Variants in CEP43 observed in about 807,000 individuals in gnomAD.
CEP43 encodes the protein centrosomal protein 43.
CEP43 carries 36 observed loss-of-function variants against 52.6 expected under a neutral mutation model. That is an observed-to-expected ratio of 0.68 (90% confidence interval 0.52 to 0.90). CEP43 has a LOEUF of 0.90. Ranked by LOEUF, CEP43 falls within the 40% of genes least tolerant of loss-of-function variation. The pLI, the probability that CEP43 is intolerant of heterozygous loss-of-function variation, is 0.00. For missense variants in CEP43, 506 were observed against 472.8 expected, an observed-to-expected ratio of 1.07 and a Z score of -0.65; for synonymous variants, 192 against 172.4, an observed-to-expected ratio of 1.11 and a Z score of -0.89.
chr6:167,014,156 A>G (rs1164251680), intron 7 of CEP43, among the ~76,000 whole-genome samples: 2 of 152,228 alleles, frequency 1.3e-5, no homozygotes, highest in African/African-American at 2.4e-5. Flanking sequence ...GATTATATAC[A>G]TATTAGTAAC....
At position 167,040,388 on chromosome 6, in the gene CEP43, C is replaced by T; in HGVS notation, c.*410C>T. 1.5e-6 allele frequency: 2 copies of T among 1,350,954 alleles called. No individual in the cohort carries two copies. The highest frequency in any genetic ancestry group is 1.9e-6 in the Non-Finnish European group (2 of 1,053,100). 83.7% of individuals were successfully genotyped at this position (1,350,954 alleles called of 1,614,324 possible). On this transcript the variant is annotated 3_prime_UTR_variant, in exon 13 of 13. Transcript: ENST00000366847. ...TGGCTTTAGCCCTCTGGAATCAGAG[C>T]TTACCCACCATAGTATATTTTGATA...
Position 167,051,494 on chromosome 6 carries a change from A to G in CEP43, c.*11516A>G, listed in dbSNP as rs1195553276. ...GTTAGATCAGATCTCTTTCACTGTT[A>G]TAATTTTCTCACTGTTAAAATTTAC... On this transcript the variant is annotated 3_prime_UTR_variant, in exon 13 of 13. Transcript: ENST00000366847. 1.3e-5 allele frequency: 2 copies of G among 152,242 alleles called. No individual in the cohort carries two copies. The highest frequency in any genetic ancestry group is 2.9e-5 in the Non-Finnish European group (2 of 68,038). The allele number at this position is 152,242 out of a possible 1,614,324, so 9.4% of individuals were successfully genotyped here.
rs901486964 is a variant in CEP43, at chr6:167,039,242, G to A, written c.1126-662G>A. 5.3e-5 allele frequency among the ~76,000 whole-genome samples: 8 copies of A among 151,922 alleles called. No homozygotes were observed. The East Asian group carries it at 5.8e-4, about 11-fold the overall frequency. On this transcript the variant is annotated intron_variant, in intron 12 of 12. Coordinates refer to ENST00000366847, the MANE Select transcript of CEP43 (RefSeq NM_007045.4). ...CCTCCTGGGTTCAAGCGATTCTCCC[G>A]CCTCAGCCTCCCAAGTAGCTGGGAC...
chr6:167,010,991 TTA>T (rs902966507), intron 6 of CEP43, 98 bp downstream of exon 6: 1 of 596,438 alleles, frequency 1.7e-6, no homozygotes, highest in African/African-American at 1.9e-5. Context: ...TTGTATTGTT[TTA>T]TATAAACACA....
chr6:167,006,123 G>A (rs1008830098), intron 5 of CEP43, among the ~76,000 whole-genome samples: 2 of 152,206 alleles, frequency 1.3e-5, no homozygotes, highest in African/African-American at 4.8e-5. Context: ...GGGGGTCTGA[G>A]GAAGCAAGAT....
chr6:167,050,607 T>C lies in CEP43; in HGVS notation c.*10629T>C, dbSNP rs1414818377. 1 of 151,898 alleles carries C rather than the reference T, an allele frequency of 6.6e-6. No homozygotes were observed. The highest frequency in any genetic ancestry group is 1.9e-4 in the East Asian group (1 of 5,186). 9.4% of individuals were successfully genotyped at this position (151,898 alleles called of 1,614,324 possible). On this transcript the variant is annotated 3_prime_UTR_variant, in exon 13 of 13. Coordinates refer to ENST00000366847, the MANE Select transcript of CEP43 (RefSeq NM_007045.4). ...GCGTGGCTAACATGGAGAACTCCTG[T>C]CTCTACTAAAAATACAAAAATTAGT...
chr6:167,041,844 G>GCGGGGCCC lies in CEP43; in HGVS notation c.*1866_*1867insCGGGGCCC. On this transcript the variant is annotated 3_prime_UTR_variant, in exon 13 of 13. Coordinates refer to ENST00000366847, the MANE Select transcript of CEP43 (RefSeq NM_007045.4). ...TCTTTTTTTTGCGGGGGGCGGGGGGGACAGAGTCTCACTGTGTCACTCAGA... is the reference window on the plus strand; with the variant it reads ...TCTTTTTTTTGCGGGGGGCGGGGGGGCGGGGCCCACAGAGTCTCACTGTGTCACTCAGA... 2 of 144,930 alleles carry GCGGGGCCC rather than the reference G, an allele frequency of 1.4e-5. No individual in the cohort carries two copies. The highest frequency in any genetic ancestry group is 2.5e-5 in the Non-Finnish European group (2 of 80,400). The allele number at this position is 144,930 out of a possible 1,614,324, so 9.0% of individuals were successfully genotyped here. A position where few individuals can be genotyped will look rare whatever the true frequency, so the allele number is the denominator to read the frequency against.
At chr6:167,018,332 C>T (rs1271451540) in intron 7 of CEP43, among the ~76,000 whole-genome samples, 2 of 152,216 alleles carry the variant, frequency 1.3e-5, no homozygotes, top group Non-Finnish European at 2.9e-5. Flanking sequence ...ACAGTTTGAC[C>T]CATAACTTTT....
intron 7 of CEP43, among the ~76,000 whole-genome samples, chr6:167,018,190 G>C (rs1165760361): frequency 6.6e-6 from 1 of 152,122 alleles, no homozygotes; most frequent in African/African-American, 2.4e-5. Context: ...ATTAGGTTAG[G>C]ACCCAGGCCC....
chr6:167,017,000 T>A (rs1562527261), intron 7 of CEP43, among the ~76,000 whole-genome samples: 3 of 150,542 alleles, frequency 2.0e-5, no homozygotes, highest in African/African-American at 4.9e-5. Flanking sequence ...ATTTTTTTTT[T>A]TTTTTATTTT....
chr6:167,002,199 T>C (rs983654895), intron 2 of CEP43, among the ~76,000 whole-genome samples: 1 of 152,126 alleles, frequency 6.6e-6, no homozygotes, highest in Non-Finnish European at 1.5e-5. Flanking sequence ...TATGTAACCC[T>C]CTCCCCCACC....
intron 12 of CEP43, chr6:167,036,385 T>G (rs1333553469): frequency 2.0e-6 from 2 of 985,196 alleles, no homozygotes; most frequent in Non-Finnish European, 2.4e-6. Flanking sequence ...GAAGGTGACT[T>G]TGAACCAGAA....
At chr6:167,036,349 G>A in intron 12 of CEP43, 2 of 985,432 alleles carry the variant, frequency 2.0e-6, no homozygotes, top group Non-Finnish European at 2.4e-6. Flanking sequence ...TGAAGAGACA[G>A]AATGTTGGGA....
chr6:167,002,032 A>G (rs1779748217), intron 2 of CEP43, among the ~76,000 whole-genome samples: 2 of 152,116 alleles, frequency 1.3e-5, no homozygotes, highest in African/African-American at 4.8e-5. Context: ...TAACAACTTT[A>G]TTGAGGTAAA....
rs186860148 is a variant in CEP43, at chr6:167,029,353, C to T, written c.988+2738C>T. Reference sequence around the variant, plus strand: ...GTAATGTAGTACAGGTTGAGTATCCCTTAATGCAAATGCTTGGGACCAGAA... The same window carrying T: ...GTAATGTAGTACAGGTTGAGTATCCTTTAATGCAAATGCTTGGGACCAGAA... On this transcript the variant is annotated intron_variant, in intron 10 of 12. Coordinates refer to ENST00000366847, the MANE Select transcript of CEP43 (RefSeq NM_007045.4). Among the ~76,000 whole-genome samples, 238 of 152,348 alleles carry T rather than the reference C, an allele frequency of 1.6e-3. 1 individual carries two copies. The highest frequency in any genetic ancestry group is 2.1e-3 in the Non-Finnish European group (145 of 68,032).
intron 12 of CEP43, among the ~76,000 whole-genome samples, chr6:167,037,907 G>C (rs1160943533): frequency 6.6e-6 from 1 of 152,128 alleles, no homozygotes; most frequent in African/African-American, 2.4e-5. Context: ...ATGCCTAAGA[G>C]TGTGTGTGTG....
rs1330412975 is a variant in CEP43 at position 167,040,739 on chromosome 6, C to T, written c.*761C>T. 3.1e-6 allele frequency: 2 copies of T among 649,788 alleles called. No individual in the cohort carries two copies. Among genetic ancestry groups the T allele is most frequent in the Non-Finnish European group, 3.8e-6 (2 of 521,288 alleles). 40.3% of individuals were successfully genotyped at this position (649,788 alleles called of 1,614,324 possible). A position where few individuals can be genotyped will look rare whatever the true frequency, so the allele number is the denominator to read the frequency against. On this transcript the variant is annotated 3_prime_UTR_variant, in exon 13 of 13. Transcript: ENST00000366847. ...TTATAATTTATTATCTGTAAAGATT[C>T]CTTGAAACTTAAATGCATCTGAAAC...
intron 6 of CEP43, 52 bp downstream of exon 6, chr6:167,010,945 C>A: frequency 1.0e-6 from 1 of 955,372 alleles, no homozygotes; most frequent in Non-Finnish European, 1.6e-6. Flanking sequence ...CTCCAGAGTG[C>A]TCTGCTTTTC....
chr6:167,034,024 C>T (rs1362501856), intron 12 of CEP43, 53 bp downstream of exon 12: 5 of 778,268 alleles, frequency 6.4e-6, no homozygotes, highest in South Asian at 2.0e-5. Context: ...ACCTATTTGT[C>T]GATTTACTGT....
Sources: allele counts gnomAD v4.1 joint callset (sites outside exome capture counted in the v4.1 genomes callset), GRCh38; gene constraint gnomAD v4.1.1; transcripts MANE v1.5; gene names NCBI Gene and HGNC (gene_info 2026-07-23, HGNC 2026-07-21).